The following CBX1 variants were observed in gnomAD, a reference collection of about 807,000 sequenced individuals.
CBX1 encodes the protein chromobox protein homolog 1.
In CBX1, 10 loss-of-function variants were observed where a neutral mutation model predicts 25.1. The ratio of observed to expected loss-of-function variants is 0.40; its 90% CI spans 0.25 to 0.68. The LOEUF (loss-of-function observed/expected upper bound fraction) is 0.68, where lower values mean the gene tolerates loss of function less well. Ranked by LOEUF, CBX1 falls within the 30% of genes least tolerant of loss-of-function variation. The pLI is 0.40. For missense variants in CBX1, 106 were observed against 218.5 expected, an observed-to-expected ratio of 0.49 and a Z score of 3.25; for synonymous variants, 63 against 79.4, an observed-to-expected ratio of 0.79 and a Z score of 1.10.
At chr17:48,099,144 C>G (rs914196972) in intron 1 of CBX1, among the ~76,000 whole-genome samples, 1 of 152,124 alleles carries the variant, frequency 6.6e-6, no homozygotes, top group South Asian at 2.1e-4. Flanking sequence ...CTCTGTTGCC[C>G]GGGCTGGAGT....
intron 1 of CBX1, among the ~76,000 whole-genome samples, chr17:48,083,860 G>GTT (rs1409728052): frequency 1.3e-5 from 2 of 150,470 alleles, no homozygotes; most frequent in East Asian, 3.8e-4. Context: ...CATTACTTGT[G>GTT]TGAGATTTTC....
chr17:48,079,586 T>C (rs1229465093), intron 1 of CBX1, among the ~76,000 whole-genome samples: 1 of 152,058 alleles, frequency 6.6e-6, no homozygotes, highest in Non-Finnish European at 1.5e-5. Flanking sequence ...TTTGACCTCC[T>C]GGGCTCAAGT....
intron 1 of CBX1, among the ~76,000 whole-genome samples, chr17:48,096,767 G>A (rs1271961627): frequency 6.6e-6 from 1 of 150,880 alleles, no homozygotes; most frequent in African/African-American, 2.4e-5. Flanking sequence ...GACAGAGCAA[G>A]ACTTGTCTAA....
intron 1 of CBX1, chr17:48,088,386 C>G: frequency 6.6e-6 from 1 of 151,372 alleles, no homozygotes; most frequent in African/African-American, 2.4e-5. Flanking sequence ...TTTGGGAGGT[C>G]GAGGTGGGTG....
intron 1 of CBX1, among the ~76,000 whole-genome samples, chr17:48,083,059 T>G (rs1206863014): frequency 1.3e-5 from 2 of 148,964 alleles, no homozygotes; most frequent in Non-Finnish European, 2.9e-5. Flanking sequence ...AGAGACAGAG[T>G]TTCTCCATGT....
intron 1 of CBX1, among the ~76,000 whole-genome samples, chr17:48,079,967 T>A (rs2037715347): frequency 6.6e-6 from 1 of 152,180 alleles, no homozygotes; most frequent in African/African-American, 2.4e-5. Context: ...TCAAGCTAGG[T>A]AACATCTAAG....
chr17:48,077,433 G>GTTTGTT (rs1567764327), intron 1 of CBX1, among the ~76,000 whole-genome samples: 2 of 128,860 alleles, frequency 1.6e-5, no homozygotes, highest in African/African-American at 5.9e-5. Context: ...AATTTTTGTT[G>GTTTGTT]TTTTTTTTTT....
chr17:48,077,740 G>A (rs977011525), intron 1 of CBX1, among the ~76,000 whole-genome samples: 9 of 152,078 alleles, frequency 5.9e-5, no homozygotes, highest in South Asian at 2.1e-4. Context: ...CCAGCATTTT[G>A]GAAGGCCCAA....
chr17:48,101,199 G>T (rs1304388620), intron 1 of CBX1, 69 bp downstream of exon 1: 40 of 989,704 alleles, frequency 4.0e-5, no homozygotes, highest in Non-Finnish European at 4.7e-5. Flanking sequence ...GTTCCCTCAC[G>T]CAGGGCTCCC....
chr17:48,090,143 C>A (rs2063336777), intron 1 of CBX1, among the ~76,000 whole-genome samples: 1 of 151,928 alleles, frequency 6.6e-6, no homozygotes, highest in African/African-American at 2.4e-5. Flanking sequence ...ACCTCATGAT[C>A]TGCCCACCTC....
At chr17:48,086,282 G>C (rs1382367972) in intron 1 of CBX1, among the ~76,000 whole-genome samples, 1 of 152,164 alleles carries the variant, frequency 6.6e-6, no homozygotes, top group Non-Finnish European at 1.5e-5. Context: ...GACTGCAGAA[G>C]GCAGTAACAT....
chr17:48,075,008 T>C lies in CBX1; in HGVS notation c.411A>G (p.Lys137=), dbSNP rs1437445150. 1.2e-6 allele frequency: 2 copies of C among 1,609,104 alleles called. No individual in the cohort carries two copies. Among genetic ancestry groups the C allele is most frequent in the Non-Finnish European group, 1.7e-6 (2 of 1,175,562 alleles). ...DSSGELMFLM[K]WKNSDEADLV... ...CACAGAGCCACTGGCCGACTCACCATTTCATCAGGAACATGAGCTCTCCAC... is the reference window on the plus strand; with the variant it reads ...CACAGAGCCACTGGCCGACTCACCACTTCATCAGGAACATGAGCTCTCCAC... The change falls in exon 4 of 5, where the codon AAA becomes AAG. Residue 137 remains lysine (K), a splice_region_variant and synonymous_variant. Transcript: ENST00000225603.
chr17:48,074,440 A>G (rs1381806955), intron 4 of CBX1, among the ~76,000 whole-genome samples: 1 of 152,222 alleles, frequency 6.6e-6, no homozygotes, highest in African/African-American at 2.4e-5. Context: ...TTCATGGAGT[A>G]TTACTATCAC....
chr17:48,095,766 T>G (rs2063371293), intron 1 of CBX1: 1 of 152,252 alleles, frequency 6.6e-6, no homozygotes, highest in Non-Finnish European at 1.5e-5. Flanking sequence ...GGTGGTAGTC[T>G]TGTTTCTAAA....
At chr17:48,075,195 C>CTATTT (rs199539567) in intron 3 of CBX1, 95 bp from the exon 4 acceptor site, 4 of 728,688 alleles carry the variant, frequency 5.5e-6, no homozygotes, top group Non-Finnish European at 4.5e-6. Flanking sequence ...TAATCACAAA[C>CTATTT]TCTTTTTTTT....
intron 2 of CBX1, 37 bp from the exon 3 acceptor site, chr17:48,076,215 C>CATTT: frequency 6.8e-7 from 1 of 1,471,226 alleles, no homozygotes. Flanking sequence ...CACTTTCACT[C>CATTT]AAATAAGTAT....
chr17:48,088,566 C>G (rs1319227286), intron 1 of CBX1: 2 of 152,082 alleles, frequency 1.3e-5, no homozygotes, highest in Non-Finnish European at 2.9e-5. Context: ...TTGCAGTGAG[C>G]CAAGATCACG....
chr17:48,082,697 G>A (rs1170114142), intron 1 of CBX1, among the ~76,000 whole-genome samples: 2 of 148,770 alleles, frequency 1.3e-5, no homozygotes, highest in East Asian at 3.9e-4. Flanking sequence ...CACCACTCCT[G>A]GCTAATTTTT....
At chr17:48,077,671 C>G (rs2037691325) in intron 1 of CBX1, among the ~76,000 whole-genome samples, 1 of 151,922 alleles carries the variant, frequency 6.6e-6, no homozygotes, top group Non-Finnish European at 1.5e-5. Flanking sequence ...GCTCCCAATA[C>G]TCCTTTTACC....
Sources: allele counts gnomAD v4.1 joint callset (sites outside exome capture counted in the v4.1 genomes callset), GRCh38; gene constraint gnomAD v4.1.1; transcripts MANE v1.5; gene names NCBI Gene and HGNC (gene_info 2026-07-23, HGNC 2026-07-21).